Variants in MDFIC2 observed in about 807,000 individuals in gnomAD.
The protein encoded by MDFIC2 is myoD family inhibitor domain-containing protein 2.
intron 2 of MDFIC2, among the ~76,000 whole-genome samples, chr3:70,250,627 A>C (rs1209794391): frequency 6.6e-6 from 1 of 152,190 alleles, no homozygotes; most frequent in African/African-American, 2.4e-5. Context: ...GAATGTGTGT[A>C]ATTTCAAATT....
intron 2 of MDFIC2, among the ~76,000 whole-genome samples, chr3:70,261,814 G>A (rs1011047549): frequency 6.6e-6 from 1 of 152,168 alleles, no homozygotes; most frequent in Non-Finnish European, 1.5e-5. Context: ...GTGGAACCAA[G>A]AAGACTAGGA....
chr3:70,280,275 T>C (rs9871366), intron 2 of MDFIC2, among the ~76,000 whole-genome samples: 152,195 of 152,224 alleles, frequency 1, 76,083 homozygotes, highest in East Asian at 1. Context: ...GTGCCACTCA[T>C]GTGATCCATG....
At chr3:70,239,853 C>T (rs1238490488) in intron 2 of MDFIC2, among the ~76,000 whole-genome samples, 1 of 152,050 alleles carries the variant, frequency 6.6e-6, no homozygotes, top group Non-Finnish European at 1.5e-5. Context: ...GATAGATCAT[C>T]AGTGAATATT....
intron 3 of MDFIC2, among the ~76,000 whole-genome samples, chr3:70,204,053 C>G (rs555256877): frequency 3.3e-5 from 5 of 152,292 alleles, no homozygotes; most frequent in Admixed American, 1.3e-4. Flanking sequence ...ACACCATGAA[C>G]TGTGCTAATG....
intron 2 of MDFIC2, among the ~76,000 whole-genome samples, chr3:70,278,675 G>T (rs1702051690): frequency 2.0e-5 from 3 of 152,198 alleles, no homozygotes; most frequent in South Asian, 2.1e-4. Context: ...GAGCCTGTAT[G>T]ATGGATATGC....
chr3:70,311,339 C>A lies in MDFIC2; in HGVS notation c.88+547G>T, dbSNP rs754491559. ...AGGTTTAGCTGTATTTTCAAAAGTGCGCAAATCTGTACTCATTAGGAGAAC... is the reference window on the plus strand; with the variant it reads ...AGGTTTAGCTGTATTTTCAAAAGTGAGCAAATCTGTACTCATTAGGAGAAC... On this transcript the variant is annotated intron_variant, in intron 2 of 3. Transcript: ENST00000567252. Among the ~76,000 whole-genome samples, 12 of 152,078 alleles carry A rather than the reference C, an allele frequency of 7.9e-5. 1 individual carries two copies. Among genetic ancestry groups the A allele is most frequent in the Non-Finnish European group, 1.5e-5 (1 of 68,032 alleles).
intron 2 of MDFIC2, among the ~76,000 whole-genome samples, chr3:70,220,177 G>C (rs1576159827): frequency 6.6e-6 from 1 of 152,034 alleles, no homozygotes; most frequent in South Asian, 2.1e-4. Flanking sequence ...GAGAGAATAA[G>C]GTTATATTCC....
At chr3:70,204,286 T>C (rs1168070370) in intron 3 of MDFIC2, among the ~76,000 whole-genome samples, 1 of 152,102 alleles carries the variant, frequency 6.6e-6, no homozygotes, top group Non-Finnish European at 1.5e-5. Context: ...TCTGTATTTA[T>C]CTCAGTACGA....
chr3:70,246,732 C>T (rs1001396399), intron 2 of MDFIC2, among the ~76,000 whole-genome samples: 7 of 151,894 alleles, frequency 4.6e-5, no homozygotes, highest in East Asian at 1.9e-4. Context: ...ATCCAAACTA[C>T]GAAAGCAAGA....
chr3:70,276,315 A>G (rs1702025315), intron 2 of MDFIC2, among the ~76,000 whole-genome samples: 1 of 152,192 alleles, frequency 6.6e-6, no homozygotes, highest in African/African-American at 2.4e-5. Flanking sequence ...AAATAACTTT[A>G]TATTATTCCA....
chr3:70,252,095 G>T (rs1001609912), intron 2 of MDFIC2, among the ~76,000 whole-genome samples: 2 of 152,148 alleles, frequency 1.3e-5, no homozygotes, highest in Admixed American at 1.3e-4. Context: ...AGCTAGCTCT[G>T]AAGCTGCAGC....
At chr3:70,213,149 T>A (rs915386822) in intron 2 of MDFIC2, among the ~76,000 whole-genome samples, 9 of 152,104 alleles carry the variant, frequency 5.9e-5, no homozygotes, top group African/African-American at 1.4e-4. Flanking sequence ...TATTTTGTTT[T>A]TCTTTATAGA....
At chr3:70,217,668 A>G (rs1444279191) in intron 2 of MDFIC2, among the ~76,000 whole-genome samples, 1 of 152,200 alleles carries the variant, frequency 6.6e-6, no homozygotes, top group Non-Finnish European at 1.5e-5. Context: ...TTGTTTCACA[A>G]CTAGATTCAT....
At chr3:70,208,073 A>G (rs183411320) in intron 2 of MDFIC2, among the ~76,000 whole-genome samples, 5 of 152,204 alleles carry the variant, frequency 3.3e-5, no homozygotes, top group Admixed American at 1.3e-4. Flanking sequence ...TCATAAAATC[A>G]TGTTAGAGAG....
At chr3:70,241,549 G>C (rs554702919) in intron 2 of MDFIC2, among the ~76,000 whole-genome samples, 7 of 152,112 alleles carry the variant, frequency 4.6e-5, no homozygotes, top group Non-Finnish European at 1.0e-4. Flanking sequence ...TCATAACATT[G>C]CTAAAGGTAT....
At chr3:70,220,137 G>A (rs1167811683) in intron 2 of MDFIC2, among the ~76,000 whole-genome samples, 1 of 152,096 alleles carries the variant, frequency 6.6e-6, no homozygotes, top group East Asian at 1.9e-4. Flanking sequence ...CTAAGCATCA[G>A]AAAACAGTGG....
intron 2 of MDFIC2, among the ~76,000 whole-genome samples, chr3:70,219,321 G>A (rs1701441562): frequency 6.6e-6 from 1 of 152,140 alleles, no homozygotes; most frequent in Non-Finnish European, 1.5e-5. Flanking sequence ...AAGTAGAATG[G>A]AATTAGTGTT....
Position 70,195,401 on chromosome 3 carries a change from A to G in MDFIC2, c.*1525T>C, listed in dbSNP as rs1304785792. Among the ~76,000 whole-genome samples, 1 of 152,228 alleles carries G rather than the reference A, an allele frequency of 6.6e-6. No homozygotes were observed. The highest frequency in any genetic ancestry group is 1.5e-5 in the Non-Finnish European group (1 of 68,034). On this transcript the variant is annotated 3_prime_UTR_variant, in exon 4 of 4. Transcript: ENST00000567252. The stretch of plus-strand genomic sequence containing the variant: ...TTAACCATGGGTGCACTGCACTTCC[A>G]GGAGCAAGTTGAGAGTGGTTAAATG...
chr3:70,277,044 A>T (rs530610004), intron 2 of MDFIC2, among the ~76,000 whole-genome samples: 1 of 152,242 alleles, frequency 6.6e-6, no homozygotes, highest in Non-Finnish European at 1.5e-5. Flanking sequence ...GATAATTACC[A>T]AATTTGAAAT....
Sources: gnomAD v4.1 joint callset for allele counts (sites outside exome capture counted in the v4.1 genomes callset) on GRCh38, gnomAD v4.1.1 for gene constraint, MANE v1.5 for transcripts, NCBI Gene and HGNC (gene_info 2026-07-23, HGNC 2026-07-21) for gene names.